The following PHF8 variants were observed in gnomAD, a reference collection of about 807,000 sequenced individuals.
The protein encoded by PHF8 is histone lysine demethylase PHF8.
A neutral mutation model predicts 74.4 loss-of-function variants in PHF8; 9 were observed. The observed-to-expected ratio is 0.12, with a 90% CI of 0.07 to 0.21. The LOEUF (loss-of-function observed/expected upper bound fraction) is 0.21, where lower values mean the gene tolerates loss of function less well. PHF8 is among the 10% of genes least tolerant of loss of function. The probability of loss-of-function intolerance (pLI) is 1.00; values close to 1 mark genes in which losing one functional copy is unlikely to be tolerated. For synonymous variants in PHF8, 311 were observed against 316.6 expected (o/e 0.98, Z 0.19); for missense variants, 478 against 816.6 (o/e 0.59, Z 5.05).
At chrX:53,999,183 G>A (rs1168949424) in intron 11 of PHF8, among the ~76,000 whole-genome samples, 1 of 111,392 alleles carries the variant, frequency 9.0e-6, no homozygotes, top group Admixed American at 9.6e-5. Context: ...ATTTTCTTCT[G>A]CCTGGGCCAC....
chrX:54,022,767 GC>G lies in PHF8; in HGVS notation c.174del (p.Ser60ProfsTer3). 8.7e-7 allele frequency: 1 copy of G among 1,154,690 alleles called. No individual in the cohort carries two copies. Among genetic ancestry groups the G allele is most frequent in the Non-Finnish European group, 1.2e-6 (1 of 843,835 alleles). ...CCTAAGATCTACTTACTAATGGAGGGCCCATGCAAGACTTCACAGTTGGGGC... is the reference window on the plus strand; with the variant it reads ...CCTAAGATCTACTTACTAATGGAGGGCCATGCAAGACTTCACAGTTGGGGC... ...YHCPNCEVLH[G>X]PSIMKKRRGS... On this transcript the variant is annotated frameshift_variant, in exon 3 of 22. Coordinates refer to ENST00000338154, the MANE Select transcript of PHF8 (RefSeq NM_015107.3). LOFTEE classifies it high-confidence loss of function.
intron 18 of PHF8, among the ~76,000 whole-genome samples, chrX:53,982,575 G>A (rs188392263): frequency 3.6e-5 from 4 of 112,411 alleles, no homozygotes; most frequent in African/African-American, 1.3e-4. Flanking sequence ...GCATAGAGAG[G>A]TTAACTAGCC....
chrX:53,955,706 A>G (rs2065004990), intron 19 of PHF8, among the ~76,000 whole-genome samples: 1 of 109,966 alleles, frequency 9.1e-6, no homozygotes, highest in Non-Finnish European at 1.9e-5. Flanking sequence ...ATGCCTTAGT[A>G]GAATGCATCT....
chrX:54,034,188 A>G (rs1557113345), intron 2 of PHF8, among the ~76,000 whole-genome samples: 1 of 111,912 alleles, frequency 8.9e-6, no homozygotes, highest in Non-Finnish European at 1.9e-5. Context: ...AGCCTCAGCA[A>G]CCTACAGGAC....
intron 11 of PHF8, among the ~76,000 whole-genome samples, chrX:53,996,421 T>C (rs1557102918): frequency 9.2e-6 from 1 of 108,188 alleles, no homozygotes; most frequent in Non-Finnish European, 1.9e-5. Context: ...GCCTATGATA[T>C]TTTTTGTAAT....
chrX:54,045,837 G>A (rs2066628984), upstream of PHF8, among the ~76,000 whole-genome samples: 2 of 111,930 alleles, frequency 1.8e-5, no homozygotes, highest in African/African-American at 6.5e-5. Flanking sequence ...GAAAGATTGC[G>A]AAATGCAAAA....
intron 19 of PHF8, among the ~76,000 whole-genome samples, chrX:53,961,945 G>A (rs1449585921): frequency 2.7e-5 from 3 of 112,108 alleles, no homozygotes; most frequent in African/African-American, 6.5e-5. Context: ...GCTTGGCCAC[G>A]TAACTTGTTT....
chrX:53,954,569 A>C (rs942544065), intron 19 of PHF8, among the ~76,000 whole-genome samples: 1 of 105,770 alleles, frequency 9.5e-6, no homozygotes, highest in East Asian at 2.9e-4. Flanking sequence ...GTAACACGTA[A>C]GATTTTGCTT....
At chrX:53,963,657 G>C (rs782581623) in intron 18 of PHF8, among the ~76,000 whole-genome samples, 1 of 112,403 alleles carries the variant, frequency 8.9e-6, no homozygotes, top group Admixed American at 9.4e-5. Flanking sequence ...CTGGTCATTA[G>C]AGAAATGCAA....
intron 18 of PHF8, among the ~76,000 whole-genome samples, chrX:53,976,564 A>T (rs782030494): frequency 1.9e-4 from 21 of 108,659 alleles, no homozygotes; most frequent in Non-Finnish European, 3.1e-4. Flanking sequence ...GGTCCAGAAG[A>T]GATGATCACT....
chrX:53,978,709 A>G (rs2065427880), intron 18 of PHF8, among the ~76,000 whole-genome samples: 2 of 105,739 alleles, frequency 1.9e-5, no homozygotes, highest in African/African-American at 6.9e-5. Context: ...GAGGCAGGAG[A>G]TTCACGTGAA....
intron 19 of PHF8, among the ~76,000 whole-genome samples, chrX:53,948,433 C>T (rs940908083): frequency 3.6e-5 from 4 of 110,405 alleles, no homozygotes; most frequent in Non-Finnish European, 5.7e-5. Context: ...CCACCCCGCC[C>T]GGCTAATTTT....
rs782652957 is a variant in PHF8 at position 53,993,892 on chromosome X, T to C, written c.1335A>G (p.Gln445=). Residue 445 remains glutamine (Q), a synonymous_variant, in exon 13 of 22, where the codon CAA becomes CAG. Transcript: ENST00000338154. ...TATTGCTCGTCTTCCCAACGTTCTG[T>C]TGGAAGATGTCCTACAAGAGTGTTA... ...REIRLVEDIF[Q]QNVGKTSNIF... 1.7e-6 allele frequency: 2 copies of C among 1,199,016 alleles called. No individual in the cohort carries two copies. The highest frequency in any genetic ancestry group is 1.8e-5 in the South Asian group (1 of 56,252).
chrX:54,023,598 G>A (rs1284889566), intron 2 of PHF8, among the ~76,000 whole-genome samples: 1 of 109,245 alleles, frequency 9.2e-6, no homozygotes, highest in Non-Finnish European at 1.9e-5. Flanking sequence ...CAGTCACAGT[G>A]GCTCATACCT....
At chrX:53,964,869 A>C (rs1204243819) in intron 18 of PHF8, among the ~76,000 whole-genome samples, 1 of 77,602 alleles carries the variant, frequency 1.3e-5, no homozygotes, top group African/African-American at 5.6e-5. Flanking sequence ...ACTCTGCCTC[A>C]AAAAAAAAAA....
chrX:54,041,061 T>C (rs1557115718), intron 2 of PHF8, among the ~76,000 whole-genome samples: 1 of 111,570 alleles, frequency 9.0e-6, no homozygotes, highest in Non-Finnish European at 1.9e-5. Flanking sequence ...CACCAGCACC[T>C]ATAGTTTGGT....
intron 14 of PHF8, among the ~76,000 whole-genome samples, chrX:53,992,397 G>A (rs1443732294): frequency 1.8e-5 from 2 of 111,713 alleles, no homozygotes; most frequent in African/African-American, 3.3e-5. Flanking sequence ...AAATCTAATC[G>A]AAAGTCAAAA....
chrX:54,034,479 A>G (rs932492741), intron 2 of PHF8, among the ~76,000 whole-genome samples: 5 of 111,641 alleles, frequency 4.5e-5, no homozygotes, highest in Non-Finnish European at 9.4e-5. Flanking sequence ...AAATCAAGAT[A>G]TTCTCAGATT....
At chrX:53,974,801 C>T (rs2065348628) in intron 18 of PHF8, among the ~76,000 whole-genome samples, 1 of 112,135 alleles carries the variant, frequency 8.9e-6, no homozygotes, top group South Asian at 3.7e-4. Flanking sequence ...AGCAAACTAA[C>T]ACAAGAACAG....
Sources: allele counts gnomAD v4.1 joint callset (sites outside exome capture counted in the v4.1 genomes callset), GRCh38; gene constraint gnomAD v4.1.1; transcripts MANE v1.5; gene names NCBI Gene and HGNC (gene_info 2026-07-23, HGNC 2026-07-21).